The following NRP2 variants were observed in gnomAD, a reference collection of about 807,000 sequenced individuals.
NRP2 encodes neuropilin 2, also known as neuropilin-2.
Under a neutral mutation model 110.4 loss-of-function variants are expected in NRP2, and 52 were observed. The observed-to-expected ratio is 0.47, with a 90% CI of 0.38 to 0.59. NRP2 has a LOEUF of 0.59. Ranked by LOEUF, NRP2 falls within the 20% of genes least tolerant of loss-of-function variation. NRP2 has a pLI of 0.00. For synonymous variants in NRP2, 508 were observed against 468.9 expected (o/e 1.08, Z -1.08); for missense variants, 1,049 against 1,203.0 (o/e 0.87, Z 1.89).
rs935955293 is a variant in NRP2, at chr2:205,686,098, A to C, written c.73+2735A>C. On this transcript the variant is annotated intron_variant, in intron 1 of 16. Transcript: ENST00000357785. The surrounding 1 kb of genome is among the most constrained non-coding windows in gnomAD (Gnocchi z 4.7). ...CCGCATCGATTTGTTTGGGCTACGC[A>C]GCAGAAACAGAGCCCAGCGATCCAT... is the stretch of plus-strand genomic sequence containing the variant. Among the ~76,000 whole-genome samples, 2 of 148,636 alleles carry C rather than the reference A, an allele frequency of 1.3e-5. No individual in the cohort carries two copies. The highest frequency in any genetic ancestry group is 3.0e-5 in the Non-Finnish European group (2 of 67,350).
chr2:205,730,813 G>A (rs1415320745), intron 7 of NRP2, among the ~76,000 whole-genome samples: 1 of 152,222 alleles, frequency 6.6e-6, no homozygotes, highest in East Asian at 1.9e-4. Flanking sequence ...TGTTTACAAT[G>A]TGGACCCAGA....
intron 1 of NRP2, among the ~76,000 whole-genome samples, chr2:205,689,000 T>G (rs1165537871): frequency 6.6e-6 from 1 of 152,118 alleles, no homozygotes; most frequent in East Asian, 1.9e-4. Flanking sequence ...AGGAGCTGAG[T>G]GCCTGTGTGT....
At chr2:205,716,713 T>C (rs2056904488) in intron 3 of NRP2, among the ~76,000 whole-genome samples, 1 of 152,234 alleles carries the variant, frequency 6.6e-6, no homozygotes, top group African/African-American at 2.4e-5. Flanking sequence ...AAAACTCTGA[T>C]GACTTTCTCA....
chr2:205,684,142 G>A (rs2056086591), intron 1 of NRP2, among the ~76,000 whole-genome samples: 1 of 152,214 alleles, frequency 6.6e-6, no homozygotes, highest in Non-Finnish European at 1.5e-5. Flanking sequence ...AGGGTGTGTG[G>A]ACAGGCTGCT....
At chr2:205,761,321 A>G (rs2057817975) in intron 12 of NRP2, 1 of 152,212 alleles carries the variant, frequency 6.6e-6, no homozygotes, top group Non-Finnish European at 1.5e-5. Flanking sequence ...AGAAGAAGCA[A>G]TGTTAAACCT....
intron 2 of NRP2, among the ~76,000 whole-genome samples, chr2:205,704,825 T>G (rs1157477345): frequency 6.6e-6 from 1 of 152,170 alleles, no homozygotes; most frequent in Non-Finnish European, 1.5e-5. Context: ...GTTCTGCCTC[T>G]CCACCCTGGC....
At position 205,749,813 on chromosome 2, in the gene NRP2, G is replaced by A. The variant is rs774059263; in HGVS notation, c.1875G>A (p.Glu625=). The A allele has an allele frequency of 6.8e-6, 11 of 1,614,004 alleles. No homozygotes were observed. In the Admixed American group the frequency reaches 1.8e-4, roughly 27 times the overall value. The change falls in exon 11 of 17, where the codon GAG becomes GAA. Residue 625 remains glutamate (E), a synonymous_variant. Transcript: ENST00000357785. The part of the protein sequence containing the change: ...TPYPTEEEAT[E]CGENCSFEDD... ...ACCCCACCGAAGAGGAGGCCACAGA[G>A]TGTGGGGAGAACTGCAGCTTTGAGG... is the stretch of plus-strand genomic sequence containing the variant.
At position 205,740,570 on chromosome 2, in the gene NRP2, G is replaced by A. The variant is rs367956491; in HGVS notation, c.1198G>A (p.Ala400Thr). 1.3e-4 allele frequency: 209 copies of A among 1,614,058 alleles called. 1 individual carries two copies. Among genetic ancestry groups the A allele is most frequent in the Non-Finnish European group, 1.7e-4 (200 of 1,180,034 alleles). ...TGAGGTGGTTCTGAACAAGCTCCAC[G>A]CTCCACTGCTGACAAGGTTTGTTAG... is the stretch of plus-strand genomic sequence containing the variant. ...ATEVVLNKLH[A>T]PLLTRFVRIR... The change falls in exon 8 of 17, where the codon GCT becomes ACT. Residue 400 changes from alanine (A) to threonine (T), a missense_variant. Coordinates refer to ENST00000357785, the MANE Select transcript of NRP2 (RefSeq NM_003872.3).
intron 15 of NRP2, among the ~76,000 whole-genome samples, chr2:205,786,138 T>C (rs756463432): frequency 5.3e-5 from 8 of 152,326 alleles, no homozygotes; most frequent in South Asian, 2.1e-4. Flanking sequence ...TGGCTCCTTA[T>C]TGCAACTTGG....
Position 205,725,929 on chromosome 2 carries a change from TC to T in NRP2, c.839del (p.Pro280LeufsTer57). ...EPLENFQCNV[P>X]LGMESGRIAN... ...TTTCCCCAGACTTTCAGTGCAATGT[TC>T]CTCTGGGCATGGAGTCTGGCCGGAT... On this transcript the variant is annotated frameshift_variant, in exon 6 of 17. Transcript: ENST00000357785. LOFTEE classifies it high-confidence loss of function. This position sits in a 1 kb window ranked among gnomAD's most constrained non-coding sequence, Gnocchi z 4.1. 5 of 1,614,174 alleles carry T rather than the reference TC, an allele frequency of 3.1e-6. No individual in the cohort carries two copies. The highest frequency in any genetic ancestry group is 4.2e-6 in the Non-Finnish European group (5 of 1,180,036).
Position 205,763,577 on chromosome 2 carries a change from A to G in NRP2, c.2045-97A>G. On this transcript the variant is annotated intron_variant, in intron 12 of 16. Transcript: ENST00000357785. The surrounding 1 kb of genome is among the most constrained non-coding windows in gnomAD (Gnocchi z 4.0). ...ACATGAATAAACCAAAGACACCGAA[A>G]CTCAGTCCCAACTTTCCCTTGGAGA... The G allele has an allele frequency of 4.6e-6, 7 of 1,529,754 alleles. No homozygotes were observed. The highest frequency in any genetic ancestry group is 5.4e-6 in the Non-Finnish European group (6 of 1,105,328). The allele number at this position is 1,529,754 out of a possible 1,614,324, so 94.8% of individuals were successfully genotyped here.
At position 205,703,683 on chromosome 2, in the gene NRP2, T is replaced by C. The variant is rs568676902; in HGVS notation, c.251+5962T>C. On this transcript the variant is annotated intron_variant, in intron 2 of 16. Transcript: ENST00000357785. ...GGCTCCCTGGAGGAGGTGACGCCTA[T>C]ACGAATTCTAAAGAATTTGGCCAGG... Among the ~76,000 whole-genome samples, 91 of 152,328 alleles carry C rather than the reference T, an allele frequency of 6.0e-4. 1 individual carries two copies. The highest frequency in any genetic ancestry group is 3.4e-3 in the Middle Eastern group (1 of 294).
At chr2:205,704,358 C>T (rs1410119892) in intron 2 of NRP2, among the ~76,000 whole-genome samples, 3 of 152,146 alleles carry the variant, frequency 2.0e-5, no homozygotes, top group Non-Finnish European at 2.9e-5. Flanking sequence ...GAGGAGAGGC[C>T]GTTGGCTTGA....
chr2:205,753,408 G>A (rs747717173), intron 12 of NRP2, among the ~76,000 whole-genome samples: 6 of 152,122 alleles, frequency 3.9e-5, no homozygotes, highest in East Asian at 1.9e-4. Context: ...TGATTTATAC[G>A]TCTCTGAGGG....
At position 205,745,909 on chromosome 2, in the gene NRP2, C is replaced by T; in HGVS notation, c.1786+19C>T. 1 of 1,613,830 alleles carries T rather than the reference C, an allele frequency of 6.2e-7. No individual in the cohort carries two copies. The highest frequency in any genetic ancestry group is 8.5e-7 in the Non-Finnish European group (1 of 1,179,870). ...TGGACAGGTAAGATGACATTTCCTCCTCTTTGCATCTCACCCACATGGTCC... is the reference window on the plus strand; with the variant it reads ...TGGACAGGTAAGATGACATTTCCTCTTCTTTGCATCTCACCCACATGGTCC... On this transcript the variant is annotated intron_variant, in intron 10 of 16. Transcript: ENST00000357785.
intron 6 of NRP2, 99 bp downstream of exon 6, chr2:205,726,181 A>G: frequency 8.2e-7 from 1 of 1,214,724 alleles, no homozygotes; most frequent in Non-Finnish European, 1.2e-6. Context: ...CAAAGAAAAT[A>G]AACACAGCAT....
intron 7 of NRP2, among the ~76,000 whole-genome samples, chr2:205,736,197 C>T (rs892948756): frequency 6.6e-6 from 1 of 151,954 alleles, no homozygotes; most frequent in African/African-American, 2.4e-5. Context: ...TAAAAATTAG[C>T]CAGGCTTGGT....
intron 13 of NRP2, chr2:205,764,556 A>C (rs1229513703): frequency 6.5e-6 from 1 of 154,374 alleles, no homozygotes; most frequent in East Asian, 1.9e-4. Flanking sequence ...GGTGACTGAG[A>C]ACCAGCCAAA....
chr2:205,772,377 C>CT (rs1373217501), intron 15 of NRP2, among the ~76,000 whole-genome samples: 1 of 152,198 alleles, frequency 6.6e-6, no homozygotes, highest in Non-Finnish European at 1.5e-5. Flanking sequence ...GTTTCTCAAA[C>CT]TTTATTGTTT....
Sources: gnomAD v4.1 joint callset for allele counts (sites outside exome capture counted in the v4.1 genomes callset) on GRCh38, gnomAD v4.1.1 for gene constraint, Gnocchi (gnomAD v3.1) non-coding constraint, MANE v1.5 for transcripts, NCBI Gene and HGNC (gene_info 2026-07-23, HGNC 2026-07-21) for gene names.